Variants in TTLL7 observed in about 807,000 individuals in gnomAD.
TTLL7 encodes tubulin polyglutamylase TTLL7.
Under a neutral mutation model 120.2 loss-of-function variants are expected in TTLL7, and 53 were observed. That is an observed-to-expected ratio of 0.44 (90% CI 0.35 to 0.55). The LOEUF (loss-of-function observed/expected upper bound fraction) is 0.55, where lower values mean the gene tolerates loss of function less well. Ranked by LOEUF, TTLL7 falls within the 20% of genes least tolerant of loss-of-function variation. The probability of loss-of-function intolerance (pLI) is 0.00; values close to 1 mark genes in which losing one functional copy is unlikely to be tolerated. For synonymous variants in TTLL7, 353 were observed against 351.7 expected (o/e 1.00, Z -0.04); for missense variants, 803 against 1,054.7 (o/e 0.76, Z 3.31).
In TTLL7 at chr1:83,934,964, A is replaced by C. The variant is rs559925552; in HGVS notation, c.889-1198T>G. Among the ~76,000 whole-genome samples the C allele has an allele frequency of 2.6e-5, 4 of 152,296 alleles. No individual in the cohort carries two copies. The South Asian group carries it at 8.3e-4, about 32-fold the overall frequency. On this transcript the variant is annotated intron_variant, in intron 8 of 20. Transcript: ENST00000260505. ...TCATTCCTCTAGAATTCCACCTTAT[A>C]TATCAGGTTAGACTCAAATATTCCA...
intron 1 of TTLL7, among the ~76,000 whole-genome samples, chr1:83,971,600 G>A (rs71652659): frequency 0.011 from 1,607 of 152,122 alleles, 15 homozygotes; most frequent in Non-Finnish European, 0.017. Flanking sequence ...TTTCACTCAC[G>A]GTTAACTCTA....
intron 20 of TTLL7, among the ~76,000 whole-genome samples, chr1:83,877,959 C>CA (rs1347791965): frequency 2.6e-5 from 4 of 151,630 alleles, no homozygotes; most frequent in African/African-American, 9.7e-5. Context: ...TCATTTAAAT[C>CA]TATAAATATC....
At chr1:83,956,176 T>G (rs1451213248) in intron 1 of TTLL7, among the ~76,000 whole-genome samples, 1 of 152,128 alleles carries the variant, frequency 6.6e-6, no homozygotes, top group Admixed American at 6.5e-5. Flanking sequence ...CACCGTAATC[T>G]TGAACTCTTG....
Position 83,869,506 on chromosome 1 carries a change from T to C in TTLL7, c.*456A>G, listed in dbSNP as rs1275545806. On this transcript the variant is annotated 3_prime_UTR_variant, in exon 21 of 21. Transcript: ENST00000260505. ...ATCTTTTTGTTTCATTTAAAATGGC[T>C]ACTATATATGAGAATTTTTAAGGTA... is the stretch of plus-strand genomic sequence containing the variant. The C allele has an allele frequency of 6.6e-6, 1 of 152,396 alleles. No individual in the cohort carries two copies. Among genetic ancestry groups the C allele is most frequent in the East Asian group, 1.9e-4 (1 of 5,208 alleles). 9.4% of individuals were successfully genotyped at this position (152,396 alleles called of 1,614,324 possible).
chr1:83,933,577 A>G (rs770053359), intron 9 of TTLL7, 31 bp downstream of exon 9: 21 of 1,602,414 alleles, frequency 1.3e-5, no homozygotes, highest in Admixed American at 1.7e-5. Flanking sequence ...GGACAGTGAT[A>G]ACTCTTCTTT....
At chr1:83,894,618 C>A (rs1359331) in intron 18 of TTLL7, among the ~76,000 whole-genome samples, 78,609 of 151,894 alleles carry the variant, frequency 0.52, 20,908 homozygotes, top group Non-Finnish European at 0.59. Flanking sequence ...AAAAGCAGCA[C>A]CTTCAGAATG....
At chr1:83,949,440 C>T (rs1648825830) in intron 4 of TTLL7, 1 of 159,488 alleles carries the variant, frequency 6.3e-6, no homozygotes, top group Admixed American at 6.5e-5. Context: ...AATTCTCCTG[C>T]CTCAGCCTCC....
chr1:83,889,328 C>A (rs1210009380), intron 19 of TTLL7, among the ~76,000 whole-genome samples: 1 of 152,022 alleles, frequency 6.6e-6, no homozygotes, highest in Non-Finnish European at 1.5e-5. Context: ...TCCCATGACA[C>A]GTGGGGATTA....
intron 18 of TTLL7, among the ~76,000 whole-genome samples, chr1:83,897,345 G>A (rs1656316495): frequency 6.6e-6 from 1 of 152,000 alleles, no homozygotes; most frequent in East Asian, 1.9e-4. Flanking sequence ...AATATCTGTT[G>A]AATGCATGAT....
In TTLL7 at chr1:83,942,483, G is replaced by T. The variant is rs200876907; in HGVS notation, c.703C>A (p.Pro235Thr). The part of the protein sequence containing the change: ...LVRMGTEKYI[P>T]PNESNLTQLY... The stretch of plus-strand genomic sequence containing the variant: ...CTTACCAAATTGGACTCATTAGGTG[G>T]AATGTACTTCTCTGTACCCATTCGC... The change falls in exon 7 of 21, where the codon CCA (proline) becomes ACA (threonine). Residue 235 changes from proline (P) to threonine (T), a missense_variant. Coordinates refer to ENST00000260505, the MANE Select transcript of TTLL7 (RefSeq NM_024686.6). The T allele has an allele frequency of 2.4e-5, 39 of 1,613,694 alleles. No individual in the cohort carries two copies. Among genetic ancestry groups the T allele is most frequent in the Non-Finnish European group, 3.2e-5 (38 of 1,179,692 alleles).
intron 7 of TTLL7, among the ~76,000 whole-genome samples, chr1:83,939,322 T>A (rs1204630647): frequency 6.6e-6 from 1 of 152,124 alleles, no homozygotes; most frequent in African/African-American, 2.4e-5. Flanking sequence ...AAAAAAGAGG[T>A]TTGGAAAATA....
chr1:83,865,959 A>G lies in TTLL7; in HGVS notation c.*4003T>C, dbSNP rs1345915800. ...TTTTATTTATTTATAAGTCAACATTAGCCCAAAATATTTAGATAACTAATA... is the reference window on the plus strand; with the variant it reads ...TTTTATTTATTTATAAGTCAACATTGGCCCAAAATATTTAGATAACTAATA... On this transcript the variant is annotated 3_prime_UTR_variant, in exon 21 of 21. Transcript: ENST00000260505. 6.6e-6 allele frequency: 1 copy of G among 151,986 alleles called. No homozygotes were observed. Among genetic ancestry groups the G allele is most frequent in the Admixed American group, 6.6e-5 (1 of 15,252 alleles). 9.4% of individuals were successfully genotyped at this position (151,986 alleles called of 1,614,324 possible).
At chr1:83,931,214 G>A (rs1487768091) in intron 9 of TTLL7, among the ~76,000 whole-genome samples, 2 of 151,858 alleles carry the variant, frequency 1.3e-5, no homozygotes, top group African/African-American at 4.8e-5. Context: ...GCTTGTAAAT[G>A]CATTAAGAAA....
At chr1:83,964,736 C>T (rs1456338880) in intron 1 of TTLL7, among the ~76,000 whole-genome samples, 2 of 152,102 alleles carry the variant, frequency 1.3e-5, no homozygotes, top group African/African-American at 2.4e-5. Context: ...AACATACTGA[C>T]ACTGATCATA....
At chr1:83,880,841 T>C (rs1192547959) in intron 20 of TTLL7, among the ~76,000 whole-genome samples, 1 of 151,886 alleles carries the variant, frequency 6.6e-6, no homozygotes, top group Non-Finnish European at 1.5e-5. Flanking sequence ...CTTCAAACTA[T>C]ACTACAAGGC....
intron 20 of TTLL7, among the ~76,000 whole-genome samples, chr1:83,874,868 A>G (rs1411441876): frequency 6.6e-6 from 1 of 151,992 alleles, no homozygotes. Context: ...AATAGCGTAC[A>G]TGAATGAAAT....
intron 1 of TTLL7, among the ~76,000 whole-genome samples, chr1:83,987,915 TG>T (rs1263459691): frequency 6.6e-6 from 1 of 152,228 alleles, no homozygotes; most frequent in Admixed American, 6.5e-5. Flanking sequence ...AGGGGGTACA[TG>T]TACAGGTTTG....
intron 1 of TTLL7, chr1:83,983,831 C>G (rs1425232495): frequency 6.6e-6 from 1 of 152,120 alleles, no homozygotes; most frequent in African/African-American, 2.4e-5. Context: ...GTGGCTCACA[C>G]CTGTGATCTT....
intron 1 of TTLL7, among the ~76,000 whole-genome samples, chr1:83,987,688 A>G (rs1377501404): frequency 6.6e-6 from 1 of 152,204 alleles, no homozygotes; most frequent in Non-Finnish European, 1.5e-5. Flanking sequence ...GCAAAAATAA[A>G]CAAATGGGTC....
Sources: gnomAD v4.1 joint callset for allele counts (sites outside exome capture counted in the v4.1 genomes callset) on GRCh38, gnomAD v4.1.1 for gene constraint, MANE v1.5 for transcripts, NCBI Gene and HGNC (gene_info 2026-07-23, HGNC 2026-07-21) for gene names.